GALNT3: variants seen among roughly 807,000 people sequenced by gnomAD.
GALNT3 encodes polypeptide N-acetylgalactosaminyltransferase 3, also known as GalNAc transferase 3.
A neutral mutation model predicts 69.8 loss-of-function variants in GALNT3; 51 were observed. The observed-to-expected ratio is 0.73, with a 90% CI of 0.58 to 0.92. The LOEUF (loss-of-function observed/expected upper bound fraction) is 0.92. Ranked by LOEUF, GALNT3 falls within the 40% of genes least tolerant of loss-of-function variation. The pLI is 0.00. For missense variants in GALNT3, 711 were observed against 760.0 expected (o/e 0.94, Z 0.76); for synonymous variants, 265 against 248.5 (o/e 1.07, Z -0.63).
At chr2:165,749,598 G>A (rs1194762935) in intron 10 of GALNT3, 144 bp downstream of exon 10, 12 of 803,248 alleles carry the variant, frequency 1.5e-5, no homozygotes, top group Admixed American at 5.7e-5. Context: ...TATCACATGG[G>A]TAGAAACACA....
chr2:165,759,706 C>A (rs1415308292), intron 4 of GALNT3, 136 bp from the exon 5 acceptor site: 2 of 683,738 alleles, frequency 2.9e-6, no homozygotes, highest in Non-Finnish European at 5.1e-6. Context: ...ATGGAGATTT[C>A]TTTCTTCCTC....
chr2:165,778,956 G>C (rs759568541), intron 1 of GALNT3, among the ~76,000 whole-genome samples: 67 of 152,176 alleles, frequency 4.4e-4, no homozygotes, highest in Non-Finnish European at 8.5e-4. Flanking sequence ...GTGGATCTGA[G>C]GAGAGAGTTT....
In GALNT3 at chr2:165,791,285, G is replaced by T. The variant is rs188807895; in HGVS notation, c.-109+2730C>A. Reference sequence around the variant, plus strand: ...TGTGTGTGTGTGTGTGTGTGTATACGCATGTATGAGACAGAGAAAAAGAAA... The same window carrying T: ...TGTGTGTGTGTGTGTGTGTGTATACTCATGTATGAGACAGAGAAAAAGAAA... On this transcript the variant is annotated intron_variant, in intron 1 of 10. Coordinates refer to ENST00000392701, the MANE Select transcript of GALNT3 (RefSeq NM_004482.4). 4.2e-4 allele frequency among the ~76,000 whole-genome samples: 63 copies of T among 150,978 alleles called. 1 individual carries two copies. Among genetic ancestry groups the T allele is most frequent in the African/African-American group, 1.5e-3 (62 of 41,132 alleles).
At chr2:165,759,192 A>G (rs1688498783) in intron 5 of GALNT3, 144 bp downstream of exon 5, 1 of 732,116 alleles carries the variant, frequency 1.4e-6, no homozygotes, top group African/African-American at 1.8e-5. Flanking sequence ...TACACAAATG[A>G]ATGACTTTTA....
At chr2:165,778,024 C>T (rs6752875) in intron 1 of GALNT3, among the ~76,000 whole-genome samples, 1,775 of 152,272 alleles carry the variant, frequency 0.012, 34 homozygotes, top group African/African-American at 0.041. Flanking sequence ...GTAGACATCT[C>T]CCTCATCGTC....
chr2:165,793,001 C>T lies in GALNT3; in HGVS notation c.-109+1014G>A, dbSNP rs1683384063. Among the ~76,000 whole-genome samples the T allele has an allele frequency of 2.6e-5, 4 of 152,024 alleles. No homozygotes were observed. The South Asian group carries it at 8.3e-4, about 32-fold the overall frequency. ...TAACTTCTATAGCAAGTTATGTTAA[C>T]GTTTTCAAGAATCGGAAATATTGGT... On this transcript the variant is annotated intron_variant, in intron 1 of 10. Coordinates refer to ENST00000392701, the MANE Select transcript of GALNT3 (RefSeq NM_004482.4).
At chr2:165,754,770 T>A (rs1008879831) in intron 8 of GALNT3, 42 bp from the exon 9 acceptor site, 26 of 1,451,540 alleles carry the variant, frequency 1.8e-5, no homozygotes, top group Middle Eastern at 1.9e-4. Context: ...TTTTAATCCA[T>A]GTGATTTATA....
chr2:165,781,558 AC>A (rs1423731199), intron 1 of GALNT3, among the ~76,000 whole-genome samples: 2 of 151,450 alleles, frequency 1.3e-5, no homozygotes, highest in Non-Finnish European at 2.9e-5. Context: ...AGATCCCACC[AC>A]TGCGTTCCAT....
At chr2:165,787,418 T>A (rs1233726793) in intron 1 of GALNT3, among the ~76,000 whole-genome samples, 2 of 152,204 alleles carry the variant, frequency 1.3e-5, no homozygotes, top group Non-Finnish European at 2.9e-5. Flanking sequence ...GTTTGCCTTA[T>A]CTTAAGGGCC....
chr2:165,757,305 C>A (rs1490755873), intron 6 of GALNT3, 58 bp from the exon 7 acceptor site: 6 of 1,526,448 alleles, frequency 3.9e-6, no homozygotes, highest in Middle Eastern at 1.7e-4. Flanking sequence ...CAAAGTGTTG[C>A]TTTTAAGTTC....
chr2:165,770,116 C>G, intron 2 of GALNT3, 70 bp downstream of exon 2: 2 of 1,568,900 alleles, frequency 1.3e-6, no homozygotes, highest in Non-Finnish European at 1.8e-6. Context: ...AGATAACTTC[C>G]TTAGCTCACC....
At chr2:165,760,319 G>C (rs1331486426) in intron 4 of GALNT3, among the ~76,000 whole-genome samples, 1 of 152,158 alleles carries the variant, frequency 6.6e-6, no homozygotes, top group African/African-American at 2.4e-5. Context: ...ATTCAAAGCT[G>C]CCCCAGACCT....
chr2:165,765,200 T>C, intron 2 of GALNT3, 144 bp from the exon 3 acceptor site: 2 of 759,360 alleles, frequency 2.6e-6, no homozygotes, highest in Admixed American at 2.7e-5. Context: ...CTCAATGCTA[T>C]ATAAAATGTA....
At chr2:165,789,640 G>A (rs1683299830) in intron 1 of GALNT3, among the ~76,000 whole-genome samples, 1 of 151,884 alleles carries the variant, frequency 6.6e-6, no homozygotes, top group African/African-American at 2.4e-5. Flanking sequence ...AGGCTGACAT[G>A]GAAGGATCAC....
chr2:165,758,451 C>T (rs533649441), intron 6 of GALNT3, among the ~76,000 whole-genome samples: 1 of 152,236 alleles, frequency 6.6e-6, no homozygotes, highest in Non-Finnish European at 1.5e-5. Flanking sequence ...TCCTGAAGCA[C>T]TAGATTTAAT....
chr2:165,784,405 TC>T (rs1410683850), intron 1 of GALNT3, among the ~76,000 whole-genome samples: 2 of 152,118 alleles, frequency 1.3e-5, no homozygotes, highest in East Asian at 3.9e-4. Context: ...TTAAAAGTAG[TC>T]CAGGCAAGAG....
At chr2:165,792,657 G>GAAA (rs1683377129) in intron 1 of GALNT3, among the ~76,000 whole-genome samples, 3 of 151,780 alleles carry the variant, frequency 2.0e-5, no homozygotes, top group African/African-American at 4.8e-5. Flanking sequence ...CAAAACAATG[G>GAAA]AATTGTTATT....
intron 1 of GALNT3, among the ~76,000 whole-genome samples, chr2:165,782,688 T>C (rs1356696696): frequency 3.9e-5 from 6 of 152,182 alleles, no homozygotes; most frequent in East Asian, 1.9e-4. Flanking sequence ...CTTTGAACAG[T>C]TGGCCACAGT....
chr2:165,767,937 A>C (rs1249142903), intron 2 of GALNT3, among the ~76,000 whole-genome samples: 1 of 142,832 alleles, frequency 7.0e-6, no homozygotes, highest in African/African-American at 2.6e-5. Context: ...GCAATGGTGC[A>C]ATCTCGGCTC....
Sources: allele counts gnomAD v4.1 joint callset (sites outside exome capture counted in the v4.1 genomes callset), GRCh38; gene constraint gnomAD v4.1.1; transcripts MANE v1.5; gene names NCBI Gene and HGNC (gene_info 2026-07-23, HGNC 2026-07-21).